THSD7A: variants seen among roughly 807,000 people sequenced by gnomAD.
THSD7A encodes the protein thrombospondin type-1 domain-containing protein 7A.
In THSD7A, 96 loss-of-function variants were observed where a neutral mutation model predicts 231.3. The ratio of observed to expected loss-of-function variants is 0.41; its 90% CI spans 0.35 to 0.49. The LOEUF is 0.49. Ranked by LOEUF, THSD7A falls within the 20% of genes least tolerant of loss-of-function variation. THSD7A has a pLI of 0.05. For missense variants in THSD7A, 2,290 were observed against 2,070.2 expected, an observed-to-expected ratio of 1.11 and a Z score of -2.06; for synonymous variants, 940 against 743.3, an observed-to-expected ratio of 1.26 and a Z score of -4.30.
intron 6 of THSD7A, among the ~76,000 whole-genome samples, chr7:11,501,689 T>C (rs1225914251): frequency 2.0e-5 from 3 of 152,090 alleles, no homozygotes; most frequent in African/African-American, 7.2e-5. Flanking sequence ...AGGAAGAACT[T>C]AAATTAGCAA....
chr7:11,730,992 T>A (rs1383047422), intron 1 of THSD7A, among the ~76,000 whole-genome samples: 1 of 151,670 alleles, frequency 6.6e-6, no homozygotes, highest in African/African-American at 2.4e-5. Flanking sequence ...TATTTTGCAG[T>A]TTGCTCTATT....
intron 6 of THSD7A, among the ~76,000 whole-genome samples, chr7:11,510,912 C>T (rs1396934399): frequency 2.0e-5 from 3 of 152,200 alleles, no homozygotes; most frequent in Non-Finnish European, 2.9e-5. Context: ...CTGTTCAACA[C>T]AGTGTTGGAA....
intron 23 of THSD7A, among the ~76,000 whole-genome samples, chr7:11,383,475 G>A (rs1027621983): frequency 6.6e-6 from 1 of 151,854 alleles, no homozygotes; most frequent in African/African-American, 2.4e-5. Flanking sequence ...AAATTTCTTG[G>A]TATCACTGTA....
At chr7:11,819,161 T>TA (rs1784796452) in intron 1 of THSD7A, among the ~76,000 whole-genome samples, 1 of 152,046 alleles carries the variant, frequency 6.6e-6, no homozygotes, top group Non-Finnish European at 1.5e-5. Flanking sequence ...ATGGCTAAAA[T>TA]AAAAAATACT....
chr7:11,636,985 T>C lies in THSD7A; in HGVS notation c.191-24A>G, dbSNP rs1363033393. 1 of 1,578,644 alleles carries C rather than the reference T, an allele frequency of 6.3e-7. No individual in the cohort carries two copies. The highest frequency in any genetic ancestry group is 2.2e-5 in the East Asian group (1 of 44,556). On this transcript the variant is annotated intron_variant, in intron 1 of 27. Transcript: ENST00000423059. This position sits in a 1 kb window ranked among gnomAD's most constrained non-coding sequence, Gnocchi z 10.0. ...ACCTACAAAAATTATAACACAAAAATTAGCAGTGCTACTAGAAGAAAACTA... is the reference window on the plus strand; with the variant it reads ...ACCTACAAAAATTATAACACAAAAACTAGCAGTGCTACTAGAAGAAAACTA...
Position 11,429,074 on chromosome 7 carries a change from C to T in THSD7A, c.3116G>A (p.Ser1039Asn). Residue 1039 changes from serine (S) to asparagine (N), a missense_variant, in exon 14 of 28, where the codon AGT becomes AAT. By Grantham distance (46) the Ser-to-Asn change is conservative (BLOSUM62 1). Transcript: ENST00000423059. ...IIPCPSDCKL[S>N]EWSNWSRCSK... ...GCAGCGCGACCAGTTGGACCACTCA[C>T]TGAGCTTGCAGTCTGAGGGGCAGGG... 1 of 1,612,130 alleles carries T rather than the reference C, an allele frequency of 6.2e-7. No homozygotes were observed. The highest frequency in any genetic ancestry group is 8.5e-7 in the Non-Finnish European group (1 of 1,179,184).
At chr7:11,608,220 AT>A (rs1325396393) in intron 2 of THSD7A, among the ~76,000 whole-genome samples, 4 of 152,126 alleles carry the variant, frequency 2.6e-5, no homozygotes, top group Non-Finnish European at 5.9e-5. Context: ...GATTTTCCTA[AT>A]TTGTTTCATC....
intron 1 of THSD7A, among the ~76,000 whole-genome samples, chr7:11,787,130 CT>C (rs2128176647): frequency 6.6e-6 from 1 of 152,158 alleles, no homozygotes; most frequent in African/African-American, 2.4e-5. Context: ...TTAATGGATC[CT>C]TTTGAAATCA....
At chr7:11,471,277 A>C (rs909418906) in intron 8 of THSD7A, among the ~76,000 whole-genome samples, 2 of 152,054 alleles carry the variant, frequency 1.3e-5, no homozygotes, top group Non-Finnish European at 2.9e-5. Flanking sequence ...TCTTGCTAAA[A>C]TAAATTGGCA....
intron 6 of THSD7A, among the ~76,000 whole-genome samples, chr7:11,500,696 T>G (rs185338661): frequency 4.9e-4 from 75 of 151,936 alleles, no homozygotes; most frequent in South Asian, 1.5e-3. Context: ...TCCCAGCACT[T>G]TAGGGGGCCA....
At chr7:11,630,240 T>C (rs1201344574) in intron 2 of THSD7A, among the ~76,000 whole-genome samples, 1 of 152,112 alleles carries the variant, frequency 6.6e-6, no homozygotes, top group Non-Finnish European at 1.5e-5. Flanking sequence ...ATAAGCTGTG[T>C]TGAGAAAAAA....
intron 1 of THSD7A, among the ~76,000 whole-genome samples, chr7:11,781,324 G>T (rs1361616062): frequency 1.3e-5 from 2 of 151,250 alleles, no homozygotes; most frequent in Non-Finnish European, 2.9e-5. Context: ...GCATGGTGGC[G>T]TGTGCCCATA....
At chr7:11,505,718 T>A (rs1787516483) in intron 6 of THSD7A, among the ~76,000 whole-genome samples, 1 of 152,198 alleles carries the variant, frequency 6.6e-6, no homozygotes. Context: ...TCAATAGGGT[T>A]ATGGCAAATT....
At chr7:11,426,707 G>T (rs755249217) in intron 14 of THSD7A, 36 bp from the exon 15 acceptor site, 1 of 1,551,464 alleles carries the variant, frequency 6.4e-7, no homozygotes. Context: ...TGAAAAGGGA[G>T]AGAAATAAGG....
intron 1 of THSD7A, among the ~76,000 whole-genome samples, chr7:11,647,668 A>T (rs1282467723): frequency 6.6e-6 from 1 of 152,112 alleles, no homozygotes. Flanking sequence ...AAGTCCTCTG[A>T]TTATGATGCT....
At position 11,428,957 on chromosome 7, in the gene THSD7A, T is replaced by C. The variant is rs767418554; in HGVS notation, c.3233A>G (p.His1078Arg). 1.1e-5 allele frequency: 17 copies of C among 1,605,378 alleles called. No individual in the cohort carries two copies. The highest frequency in any genetic ancestry group is 1.7e-4 in the Middle Eastern group (1 of 6,058). The change falls in exon 14 of 28, where the codon CAT (histidine) becomes CGT (arginine). Residue 1078 changes from histidine to arginine, a missense_variant. By Grantham distance (29) the His-to-Arg change is conservative (BLOSUM62 0). Coordinates refer to ENST00000423059, the MANE Select transcript of THSD7A (RefSeq NM_015204.3). Reference protein sequence around the residue: ...NGGRPCPKLDHVNQAQVYEVV... With the variant: ...NGGRPCPKLDRVNQAQVYEVV... The stretch of plus-strand genomic sequence containing the variant: ...AATGATAGAAAATACCTGGTTGACA[T>C]GGTCCAGTTTGGGGCAAGGCCTTCC...
intron 1 of THSD7A, among the ~76,000 whole-genome samples, chr7:11,788,618 C>T (rs1243613083): frequency 6.6e-6 from 1 of 152,020 alleles, no homozygotes; most frequent in African/African-American, 2.4e-5. Flanking sequence ...CTTTTCTATA[C>T]ATCAACAAAG....
chr7:11,730,440 G>A (rs930797376), intron 1 of THSD7A, among the ~76,000 whole-genome samples: 1 of 151,242 alleles, frequency 6.6e-6, no homozygotes, highest in Non-Finnish European at 1.5e-5. Flanking sequence ...TCTTATAAAA[G>A]TTCATGTTTT....
intron 1 of THSD7A, among the ~76,000 whole-genome samples, chr7:11,715,062 G>A (rs10267163): frequency 6.6e-6 from 1 of 151,300 alleles, no homozygotes. Context: ...ACTCTTCCAG[G>A]TCAGTAAAAG....
Sources: allele counts gnomAD v4.1 joint callset (sites outside exome capture counted in the v4.1 genomes callset), GRCh38; gene constraint gnomAD v4.1.1; non-coding constraint Gnocchi (gnomAD v3.1); transcripts MANE v1.5; gene names NCBI Gene and HGNC (gene_info 2026-07-23, HGNC 2026-07-21).